ZC3H4: variants seen among roughly 807,000 people sequenced by gnomAD.
ZC3H4 encodes the protein zinc finger CCCH domain-containing protein 4.
In ZC3H4, 13 loss-of-function variants were observed where a neutral mutation model predicts 108.3. The ratio of observed to expected loss-of-function variants is 0.12; its 90% CI spans 0.08 to 0.19. The LOEUF is 0.19. ZC3H4 is among the 10% of genes least tolerant of loss of function. ZC3H4 has a pLI of 1.00. For synonymous variants in ZC3H4, 917 were observed against 749.6 expected, an observed-to-expected ratio of 1.22 and a Z score of -3.65; for missense variants, 1,734 against 1,838.8, an observed-to-expected ratio of 0.94 and a Z score of 1.04.
intron 6 of ZC3H4, among the ~76,000 whole-genome samples, chr19:47,086,171 C>A (rs2057618065): frequency 6.6e-6 from 1 of 152,122 alleles, no homozygotes; most frequent in Non-Finnish European, 1.5e-5. Context: ...CCAGCCGATA[C>A]CTTTTCTACT....
chr19:47,076,717 G>A (rs549421933), intron 11 of ZC3H4, among the ~76,000 whole-genome samples: 11 of 151,404 alleles, frequency 7.3e-5, no homozygotes, highest in Non-Finnish European at 1.0e-4. Flanking sequence ...TTAGCTGGCC[G>A]GGCGCAGTGG....
At chr19:47,110,822 G>A (rs765425567) in intron 2 of ZC3H4, 143 of 808,196 alleles carry the variant, frequency 1.8e-4, no homozygotes, top group Non-Finnish European at 2.1e-4. Context: ...GTCGGGCTGC[G>A]ATGGGCTGCG....
chr19:47,076,912 G>A (rs922891121), intron 11 of ZC3H4, among the ~76,000 whole-genome samples: 16 of 152,232 alleles, frequency 1.1e-4, no homozygotes, highest in African/African-American at 3.9e-4. Context: ...AGAATCGCTT[G>A]AACCTGGGAG....
At chr19:47,098,391 G>A (rs534921673) in intron 2 of ZC3H4, among the ~76,000 whole-genome samples, 2 of 151,562 alleles carry the variant, frequency 1.3e-5, no homozygotes, top group African/African-American at 4.8e-5. Context: ...TCAGGAGGCT[G>A]AGGCACAAGA....
chr19:47,089,420 G>A (rs1454919069), intron 5 of ZC3H4, among the ~76,000 whole-genome samples: 1 of 151,950 alleles, frequency 6.6e-6, no homozygotes, highest in Non-Finnish European at 1.5e-5. Context: ...TAGGTGATCC[G>A]ACAGCCTCGG....
chr19:47,111,500 G>A (rs967723880), intron 2 of ZC3H4, among the ~76,000 whole-genome samples: 2 of 152,208 alleles, frequency 1.3e-5, no homozygotes, highest in South Asian at 4.1e-4. Context: ...AGAAAGCGCG[G>A]GACCAACTTC....
In ZC3H4 at chr19:47,090,099, C is replaced by A. The variant is rs749686867; in HGVS notation, c.583G>T (p.Asp195Tyr). 6.2e-7 allele frequency: 1 copy of A among 1,614,128 alleles called. No individual in the cohort carries two copies. Among genetic ancestry groups the A allele is most frequent in the Non-Finnish European group, 8.5e-7 (1 of 1,180,048 alleles). Residue 195 changes from aspartate (D) to tyrosine (Y), a missense_variant, in exon 5 of 15, where the codon GAC (aspartate) becomes TAC (tyrosine). Around this residue, in one of 9 missense-constraint regions of ZC3H4, gnomAD observed 403 missense variants for 457.0 expected, o/e 0.88. Transcript: ENST00000253048. ...TCCCCATACTGCTCATTCTCGTAGT[C>A]CTCGTACATGCCATAACTCTTGCTG... ...MDSKSYGMYE[D>Y]YENEQYGEYE...
intron 2 of ZC3H4, among the ~76,000 whole-genome samples, chr19:47,099,561 T>G (rs1402698163): frequency 6.6e-6 from 1 of 151,800 alleles, no homozygotes; most frequent in Non-Finnish European, 1.5e-5. Context: ...CAACCACACA[T>G]ACACTGTTCT....
intron 2 of ZC3H4, 164 bp downstream of exon 2, chr19:47,112,260 G>A: frequency 3.5e-6 from 4 of 1,144,836 alleles, no homozygotes; most frequent in Non-Finnish European, 4.4e-6. Flanking sequence ...GCGAGAAAGA[G>A]CGAGCGAGCA....
chr19:47,112,403 C>G, intron 2 of ZC3H4, 21 bp downstream of exon 2: 4 of 1,233,500 alleles, frequency 3.2e-6, no homozygotes, highest in Non-Finnish European at 4.0e-6. Context: ...GACGCAGCCC[C>G]GGCCCAACCG....
chr19:47,072,162 G>A lies in ZC3H4; in HGVS notation c.1803-41C>T, dbSNP rs1270321314. Reference sequence around the variant, plus strand: ...GGTGCCTGTGACGGAAGCTGCCGAGGAGGGCAGTGGCCACACCCCAGAGGA... The same window carrying A: ...GGTGCCTGTGACGGAAGCTGCCGAGAAGGGCAGTGGCCACACCCCAGAGGA... On this transcript the variant is annotated intron_variant, in intron 12 of 14. Coordinates refer to ENST00000253048, the MANE Select transcript of ZC3H4 (RefSeq NM_015168.2). This position sits in a 1 kb window ranked among gnomAD's most constrained non-coding sequence, Gnocchi z 5.6. 1 of 1,481,412 alleles carries A rather than the reference G, an allele frequency of 6.8e-7. No individual in the cohort carries two copies. The highest frequency in any genetic ancestry group is 1.4e-5 in the African/African-American group (1 of 70,662). The allele number at this position is 1,481,412 out of a possible 1,614,324, so 91.8% of individuals were successfully genotyped here. A position where few individuals can be genotyped will look rare whatever the true frequency, so the allele number is the denominator to read the frequency against.
In ZC3H4 at chr19:47,072,262, T is replaced by C; in HGVS notation, c.1802+90A>G. The C allele has an allele frequency of 6.9e-7, 1 of 1,449,192 alleles. No homozygotes were observed. Among genetic ancestry groups the C allele is most frequent in the Non-Finnish European group, 9.4e-7 (1 of 1,067,784 alleles). 89.8% of individuals were successfully genotyped at this position (1,449,192 alleles called of 1,614,324 possible). ...CCACAGCTGGGGAGAGAGGCAGGAC[T>C]CTCCCACAGCCAGGCTTGCCCTAAC... On this transcript the variant is annotated intron_variant, in intron 12 of 14. Coordinates refer to ENST00000253048, the MANE Select transcript of ZC3H4 (RefSeq NM_015168.2). The surrounding 1 kb of genome is among the most constrained non-coding windows in gnomAD (Gnocchi z 5.6).
At position 47,067,318 on chromosome 19, in the gene ZC3H4, G is replaced by A. The variant is rs929080184; in HGVS notation, c.2950C>T (p.Leu984=). 6.3e-7 allele frequency: 1 copy of A among 1,596,704 alleles called. No homozygotes were observed. Among genetic ancestry groups the A allele is most frequent in the Admixed American group, 1.7e-5 (1 of 58,356 alleles). Residue 984 remains leucine, a synonymous_variant, in exon 15 of 15, where the codon CTG becomes TTG. Coordinates refer to ENST00000253048, the MANE Select transcript of ZC3H4 (RefSeq NM_015168.2). The surrounding 1 kb of genome is among the most constrained non-coding windows in gnomAD (Gnocchi z 6.4). ...TGCTTGGGGATGGGTAGGGGGATCA[G>A]GTCCTCGGGATTCCAGAGCACGGTG... ...ARTVLWNPED[L]IPLPIPKQDA...
At chr19:47,077,972 T>C (rs925348181) in intron 11 of ZC3H4, among the ~76,000 whole-genome samples, 10 of 152,192 alleles carry the variant, frequency 6.6e-5, no homozygotes, top group Non-Finnish European at 1.5e-4. Context: ...AGTTTTGCTT[T>C]CAGAAAATAT....
chr19:47,069,444 A>C, intron 13 of ZC3H4, 101 bp from the exon 14 acceptor site: 1 of 1,443,960 alleles, frequency 6.9e-7, no homozygotes, highest in Non-Finnish European at 9.3e-7. Flanking sequence ...ATGGCGATGG[A>C]GAAGGACGCA....
rs371913202 is a variant in ZC3H4, at chr19:47,099,621, T to C, written c.162-5013A>G. Among the ~76,000 whole-genome samples, 15 of 151,852 alleles carry C rather than the reference T, an allele frequency of 9.9e-5. No homozygotes were observed. The East Asian group carries it at 1.4e-3, about 14-fold the overall frequency. Reference sequence around the variant, plus strand: ...TGACAAAAGCAACATCTCCCCTTCCTCAGCTCTAATCTAGGCAGTACCAGA... The same window carrying C: ...TGACAAAAGCAACATCTCCCCTTCCCCAGCTCTAATCTAGGCAGTACCAGA... On this transcript the variant is annotated intron_variant, in intron 2 of 14. Coordinates refer to ENST00000253048, the MANE Select transcript of ZC3H4 (RefSeq NM_015168.2).
In ZC3H4 at chr19:47,112,510, TGATGGCGGCGGCGGC is replaced by T. The variant is rs763425680; in HGVS notation, c.60_74del (p.Pro21_Ser25del). 296 of 1,101,220 alleles carry T rather than the reference TGATGGCGGCGGCGGC, an allele frequency of 2.7e-4. 2 individuals are homozygous for T. The highest frequency in any genetic ancestry group is 1.4e-3 in the African/African-American group (85 of 61,568). 68.2% of individuals were successfully genotyped at this position (1,101,220 alleles called of 1,614,324 possible). On this transcript the variant is annotated inframe_deletion, in exon 2 of 15. Transcript: ENST00000253048. ...GGGAACACGGAGGAGGCGAAGGCGT[TGATGGCGGCGGCGGC>T]GATGGCGGCGGCGGCGACTCTGATG...
intron 4 of ZC3H4, 60 bp from the exon 5 acceptor site, chr19:47,090,249 A>G: frequency 6.3e-7 from 1 of 1,582,262 alleles, no homozygotes; most frequent in Non-Finnish European, 8.7e-7. Flanking sequence ...GGTGCAGACT[A>G]CCAAGATACC....
intron 14 of ZC3H4, among the ~76,000 whole-genome samples, chr19:47,068,249 C>T (rs745743815): frequency 6.6e-6 from 1 of 152,236 alleles, no homozygotes; most frequent in Non-Finnish European, 1.5e-5. Flanking sequence ...CAGAGCTCTG[C>T]TGTTTCCTCC....
Sources: gnomAD v4.1 joint callset for allele counts (sites outside exome capture counted in the v4.1 genomes callset) on GRCh38, gnomAD v4.1.1 for gene constraint, gnomAD v4.1.1 regional missense constraint, Gnocchi (gnomAD v3.1) non-coding constraint, MANE v1.5 for transcripts, NCBI Gene and HGNC (gene_info 2026-07-23, HGNC 2026-07-21) for gene names.